The following ALG6 variants were observed in gnomAD, a reference collection of about 807,000 sequenced individuals.
The protein encoded by ALG6 is dolichyl pyrophosphate Man9GlcNAc2 alpha-1,3-glucosyltransferase.
A neutral mutation model predicts 66.6 loss-of-function variants in ALG6; 46 were observed. That is an observed-to-expected ratio of 0.69 (90% CI 0.55 to 0.88). The LOEUF is 0.88. ALG6 is among the 40% of genes least tolerant of loss of function. ALG6 has a pLI of 0.00. For missense variants in ALG6, 505 were observed against 586.8 expected (o/e 0.86, Z 1.44); for synonymous variants, 185 against 203.7 (o/e 0.91, Z 0.78).
chr1:63,388,211 G>A (rs902026165), intron 2 of ALG6, among the ~76,000 whole-genome samples: 1 of 152,010 alleles, frequency 6.6e-6, no homozygotes, highest in African/African-American at 2.4e-5. Flanking sequence ...GAGCCACCGC[G>A]CCTGGCCTAA....
At chr1:63,412,140 AG>A in intron 9 of ALG6, 79 bp downstream of exon 9, 1 of 1,587,122 alleles carries the variant, frequency 6.3e-7, no homozygotes, top group Non-Finnish European at 8.6e-7. Flanking sequence ...AGAAGGTACA[AG>A]GAATAGGAAC....
At chr1:63,371,250 G>T in intron 2 of ALG6, 191 bp downstream of exon 2, 1 of 575,554 alleles carries the variant, frequency 1.7e-6, no homozygotes, top group Non-Finnish European at 3.1e-6. Flanking sequence ...AGAAGCATGC[G>T]CTTTGTGATG....
At chr1:63,392,730 A>C (rs1410008378) in intron 2 of ALG6, among the ~76,000 whole-genome samples, 2 of 152,202 alleles carry the variant, frequency 1.3e-5, no homozygotes, top group African/African-American at 4.8e-5. Context: ...TCTGAATCTT[A>C]TGTAAATGAA....
intron 7 of ALG6, among the ~76,000 whole-genome samples, chr1:63,407,795 GT>G (rs34103213): frequency 0.14 from 20,822 of 151,978 alleles, 1,564 homozygotes; most frequent in Middle Eastern, 0.25. Context: ...TGCCAGTCTT[GT>G]TTTAGTTATA....
chr1:63,371,144 C>T (rs780938583), intron 2 of ALG6, 85 bp downstream of exon 2: 1 of 909,378 alleles, frequency 1.1e-6, no homozygotes. Context: ...CATTTTCTGA[C>T]CAGTACAGAG....
chr1:63,371,031 A>G lies in ALG6; in HGVS notation c.54A>G (p.Arg18=), dbSNP rs373800951. ...TVVVLIGLTV[R]WTVSLNSYSG... ...TGGTTTTAATAGGACTAACAGTACG[A>G]TGGACAGTGTCTCTTAATTCTTATT... is the stretch of plus-strand genomic sequence containing the variant. Residue 18 remains arginine (R), a synonymous_variant, in exon 2 of 15, where the codon CGA becomes CGG. Transcript: ENST00000263440. 133 of 1,609,632 alleles carry G rather than the reference A, an allele frequency of 8.3e-5. 1 individual carries two copies. The South Asian group carries it at 1.3e-3, about 16-fold the overall frequency.
At chr1:63,427,435 C>A (rs1317048400) in intron 12 of ALG6, among the ~76,000 whole-genome samples, 1 of 152,054 alleles carries the variant, frequency 6.6e-6, no homozygotes, top group African/African-American at 2.4e-5. Flanking sequence ...TTATAGAGCA[C>A]TTTTTAAAAT....
chr1:63,392,585 A>G (rs1054259620), intron 2 of ALG6, among the ~76,000 whole-genome samples: 1 of 152,230 alleles, frequency 6.6e-6, no homozygotes, highest in African/African-American at 2.4e-5. Flanking sequence ...ACTTGTTTTT[A>G]AAATTCAAAC....
At chr1:63,402,471 T>TC (rs993778250) in intron 4 of ALG6, 128 bp downstream of exon 4, 47 of 599,628 alleles carry the variant, frequency 7.8e-5, no homozygotes, top group South Asian at 5.1e-4. Context: ...TTTTTTTTTT[T>TC]TTTTTTTTTT....
intron 12 of ALG6, among the ~76,000 whole-genome samples, chr1:63,422,063 TTATATAAATATC>T (rs1367914818): frequency 2.9e-5 from 4 of 137,204 alleles, no homozygotes; most frequent in Non-Finnish European, 6.1e-5. Context: ...AAATATCTAT[TTATATAAATATC>T]TATATAAATA....
rs1644493098 is a variant in ALG6, at chr1:63,407,142, G to A, written c.494+16G>A. On this transcript the variant is annotated intron_variant, in intron 7 of 14. Coordinates refer to ENST00000263440, the MANE Select transcript of ALG6 (RefSeq NM_013339.4). ...GACATTTTCAGTATCCTTTACTAAT[G>A]CAGAAATGAAGTCAGTTGCATATTG... 1.3e-6 allele frequency: 2 copies of A among 1,580,242 alleles called. No homozygotes were observed. The highest frequency in any genetic ancestry group is 4.5e-5 in the East Asian group (2 of 44,588).
chr1:63,385,385 T>C (rs557765438), intron 2 of ALG6, among the ~76,000 whole-genome samples: 1 of 150,894 alleles, frequency 6.6e-6, no homozygotes, highest in East Asian at 2.0e-4. Flanking sequence ...TTATTTTTAT[T>C]TTTTTTTAGT....
chr1:63,419,472 T>G, intron 12 of ALG6, 32 bp downstream of exon 12: 1 of 1,431,824 alleles, frequency 7.0e-7, no homozygotes, highest in East Asian at 2.3e-5. Flanking sequence ...ATGTGTTTAT[T>G]TGTTTATAAT....
chr1:63,401,658 C>T (rs549088554), intron 3 of ALG6, among the ~76,000 whole-genome samples: 232 of 150,880 alleles, frequency 1.5e-3, no homozygotes, highest in Non-Finnish European at 2.6e-3. Context: ...GTCTAGGTGA[C>T]GGAGCAAGAT....
chr1:63,389,134 AG>A (rs1396354249), intron 2 of ALG6, among the ~76,000 whole-genome samples: 4 of 152,062 alleles, frequency 2.6e-5, no homozygotes, highest in African/African-American at 7.2e-5. Context: ...GAATGTTCTC[AG>A]TTATTATCCC....
chr1:63,371,524 C>T (rs917719775), intron 2 of ALG6, among the ~76,000 whole-genome samples: 2 of 152,190 alleles, frequency 1.3e-5, no homozygotes, highest in African/African-American at 4.8e-5. Flanking sequence ...TAGCACGTCT[C>T]ATGTTCCCGG....
intron 2 of ALG6, among the ~76,000 whole-genome samples, chr1:63,377,693 T>A (rs1402860864): frequency 6.6e-6 from 1 of 152,194 alleles, no homozygotes; most frequent in African/African-American, 2.4e-5. Context: ...AAATTAGGCA[T>A]TAATGACTTG....
At chr1:63,373,285 G>A (rs1236292422) in intron 2 of ALG6, among the ~76,000 whole-genome samples, 1 of 151,730 alleles carries the variant, frequency 6.6e-6, no homozygotes, top group Admixed American at 6.6e-5. Context: ...GGGATTACAG[G>A]TGTGAGCCAC....
At position 63,437,641 on chromosome 1, in the gene ALG6, C is replaced by A. The variant is rs1034009819; in HGVS notation, c.*621C>A. The A allele has an allele frequency of 2.6e-5, 4 of 151,992 alleles. No homozygotes were observed. Among genetic ancestry groups the A allele is most frequent in the African/African-American group, 9.7e-5 (4 of 41,386 alleles). 9.4% of individuals were successfully genotyped at this position (151,992 alleles called of 1,614,324 possible). A position where few individuals can be genotyped will look rare whatever the true frequency, so the allele number is the denominator to read the frequency against. On this transcript the variant is annotated 3_prime_UTR_variant, in exon 15 of 15. Coordinates refer to ENST00000263440, the MANE Select transcript of ALG6 (RefSeq NM_013339.4). ...GATTGTTTTAACAAGGCAAATAAAC[C>A]ATAATCTTATTTATTTCCAAGAATG...
Sources: gnomAD v4.1 joint callset for allele counts (sites outside exome capture counted in the v4.1 genomes callset) on GRCh38, gnomAD v4.1.1 for gene constraint, MANE v1.5 for transcripts, NCBI Gene and HGNC (gene_info 2026-07-23, HGNC 2026-07-21) for gene names.